The following HPSE2 variants were observed in gnomAD, a reference collection of about 807,000 sequenced individuals.
The protein encoded by HPSE2 is inactive heparanase-2.
Under a neutral mutation model 60.5 loss-of-function variants are expected in HPSE2, and 38 were observed. The observed-to-expected ratio is 0.63, with a 90% CI of 0.48 to 0.82. HPSE2 has a LOEUF of 0.82. HPSE2 is among the 40% of genes least tolerant of loss of function. The probability of loss-of-function intolerance (pLI) is 0.00; values close to 1 mark genes in which losing one functional copy is unlikely to be tolerated. For missense variants in HPSE2, 713 were observed against 740.4 expected (o/e 0.96, Z 0.43); for synonymous variants, 295 against 293.2 (o/e 1.01, Z -0.06).
chr10:99,286,374 G>A, the HPSE2 span, among the ~76,000 whole-genome samples: 1 of 152,084 alleles, frequency 6.6e-6, no homozygotes, highest in Non-Finnish European at 1.5e-5. Flanking sequence ...GTACACAATG[G>A]AATAGTCAGC....
At chr10:99,100,680 C>A (rs897953300) in intron 3 of HPSE2, among the ~76,000 whole-genome samples, 1 of 152,098 alleles carries the variant, frequency 6.6e-6, no homozygotes, top group South Asian at 2.1e-4. Flanking sequence ...AACTCCAAGA[C>A]ACATAATTGT....
chr10:98,562,676 C>T (rs1487234068), intron 9 of HPSE2, among the ~76,000 whole-genome samples: 2 of 147,712 alleles, frequency 1.4e-5, no homozygotes, highest in African/African-American at 2.5e-5. Context: ...GATTGCACCA[C>T]TGCACTCCAG....
intron 3 of HPSE2, among the ~76,000 whole-genome samples, chr10:98,985,927 A>G (rs1398504061): frequency 6.6e-6 from 1 of 152,226 alleles, no homozygotes; most frequent in Non-Finnish European, 1.5e-5. Context: ...GGATCAATTC[A>G]ACAAGAAGAG....
At chr10:99,130,927 G>A (rs1845359559) in intron 3 of HPSE2, among the ~76,000 whole-genome samples, 1 of 152,128 alleles carries the variant, frequency 6.6e-6, no homozygotes. Flanking sequence ...GATGGAGTCT[G>A]TCTGGCTCTC....
intron 3 of HPSE2, among the ~76,000 whole-genome samples, chr10:99,039,526 TA>T (rs1957688109): frequency 6.7e-6 from 1 of 149,828 alleles, no homozygotes; most frequent in African/African-American, 2.4e-5. Flanking sequence ...TATGTGTGTA[TA>T]TTATATATTA....
intron 3 of HPSE2, among the ~76,000 whole-genome samples, chr10:99,072,922 C>T (rs1173971539): frequency 5.7e-5 from 6 of 104,376 alleles, no homozygotes; most frequent in Non-Finnish European, 7.0e-5. Flanking sequence ...AGCCAGGCTC[C>T]GTCTCAAAAA....
At chr10:98,646,341 A>G (rs1006984767) in intron 6 of HPSE2, among the ~76,000 whole-genome samples, 3 of 151,650 alleles carry the variant, frequency 2.0e-5, no homozygotes, top group African/African-American at 7.3e-5. Flanking sequence ...TTTTTAAAAA[A>G]ACCCTGGCTG....
chr10:98,754,941 T>C (rs1368330874), intron 3 of HPSE2, among the ~76,000 whole-genome samples: 1 of 151,842 alleles, frequency 6.6e-6, no homozygotes, highest in Non-Finnish European at 1.5e-5. Context: ...ACACACTTGA[T>C]TGACACTATA....
chr10:99,281,729 A>C, the HPSE2 span, among the ~76,000 whole-genome samples: 2 of 152,152 alleles, frequency 1.3e-5, no homozygotes, highest in African/African-American at 4.8e-5. Flanking sequence ...GTCTCATTTA[A>C]ATTAAGATTG....
intron 3 of HPSE2, among the ~76,000 whole-genome samples, chr10:99,100,964 G>A (rs1057188867): frequency 2.0e-5 from 3 of 152,232 alleles, no homozygotes; most frequent in South Asian, 2.1e-4. Flanking sequence ...CACCAGGCCT[G>A]CCCTAAAAGA....
chr10:99,068,810 T>C (rs913016653), intron 3 of HPSE2, among the ~76,000 whole-genome samples: 6 of 152,140 alleles, frequency 3.9e-5, no homozygotes, highest in Non-Finnish European at 8.8e-5. Context: ...CCTACAGAAA[T>C]TTTTTAAAAT....
chr10:99,295,824 TACAATCACTGCAAAGATCAAATAAG>T, the HPSE2 span, among the ~76,000 whole-genome samples: 1 of 152,146 alleles, frequency 6.6e-6, no homozygotes, highest in Non-Finnish European at 1.5e-5. Flanking sequence ...AAACAAACCC[TACAATCACTGCAAAGATCAAATAAG>T]ATGGTTCAGG....
chr10:98,704,896 C>A (rs1183785110), intron 5 of HPSE2, among the ~76,000 whole-genome samples: 5 of 152,072 alleles, frequency 3.3e-5, no homozygotes, highest in Non-Finnish European at 5.9e-5. Flanking sequence ...CAACCAAAGA[C>A]AAAATTGACA....
At chr10:99,165,464 A>G (rs1222772950) in intron 2 of HPSE2, among the ~76,000 whole-genome samples, 1 of 152,184 alleles carries the variant, frequency 6.6e-6, no homozygotes. Flanking sequence ...ATGTGAAGAC[A>G]GTAAAATTCA....
intron 11 of HPSE2, among the ~76,000 whole-genome samples, chr10:98,480,146 T>C (rs1039008127): frequency 1.8e-4 from 28 of 151,690 alleles, no homozygotes; most frequent in African/African-American, 4.9e-4. Context: ...TGGAGTGCAG[T>C]GGTGTGATCT....
At chr10:99,083,978 T>TTTTTC (rs1336862724) in intron 3 of HPSE2, among the ~76,000 whole-genome samples, 2 of 147,788 alleles carry the variant, frequency 1.4e-5, no homozygotes, top group African/African-American at 5.1e-5. Context: ...TTTTTTTTTT[T>TTTTTC]TTTTTTTTTT....
chr10:98,615,113 A>C (rs1200346152), intron 8 of HPSE2, 95 bp from the exon 9 acceptor site: 3 of 852,718 alleles, frequency 3.5e-6, no homozygotes, highest in African/African-American at 3.3e-5. Context: ...CATATACACC[A>C]ATCTCCAGTC....
chr10:98,513,150 C>T (rs1011283068), intron 9 of HPSE2, among the ~76,000 whole-genome samples: 2 of 152,138 alleles, frequency 1.3e-5, no homozygotes, highest in South Asian at 2.1e-4. Context: ...TTTCAATAAA[C>T]GGTTGTAACT....
At chr10:98,721,606 T>C (rs1274899279) in intron 5 of HPSE2, 51 bp downstream of exon 5, 1 of 1,510,042 alleles carries the variant, frequency 6.6e-7, no homozygotes, top group Non-Finnish European at 9.2e-7. Context: ...GCAAATACAT[T>C]AATTCATTAA....
Sources: gnomAD v4.1 joint callset for allele counts (sites outside exome capture counted in the v4.1 genomes callset) on GRCh38, gnomAD v4.1.1 for gene constraint, MANE v1.5 for transcripts, NCBI Gene and HGNC (gene_info 2026-07-23, HGNC 2026-07-21) for gene names.